MICAL1: variants seen among roughly 807,000 people sequenced by gnomAD.
MICAL1 encodes the protein microtubule associated monooxygenase, calponin and LIM domain containing 1.
In MICAL1, 95 loss-of-function variants were observed where a neutral mutation model predicts 131.8. The observed-to-expected ratio is 0.72, with a 90% CI of 0.61 to 0.86. MICAL1 has a LOEUF of 0.86. MICAL1 is among the 40% of genes least tolerant of loss of function. MICAL1 has a pLI of 0.00. For synonymous variants in MICAL1, 546 were observed against 554.2 expected, an observed-to-expected ratio of 0.99 and a Z score of 0.21; for missense variants, 1,292 against 1,380.6, an observed-to-expected ratio of 0.94 and a Z score of 1.02.
upstream of MICAL1, among the ~76,000 whole-genome samples, chr6:109,456,375 C>G (rs1192181770): frequency 1.3e-5 from 2 of 152,208 alleles, no homozygotes; most frequent in Non-Finnish European, 2.9e-5. Flanking sequence ...CAGGATGGAT[C>G]CAAGCGCAGA....
At chr6:109,462,028 AGATGCC>A (rs1775900286) in intron 1 of MICAL1, among the ~76,000 whole-genome samples, 1 of 130,998 alleles carries the variant, frequency 7.6e-6, no homozygotes, top group Non-Finnish European at 1.5e-5. Flanking sequence ...CTCCTCACTC[AGATGCC>A]AGTTGTTAGG....
At chr6:109,452,072 A>G (rs148089900) in intron 6 of MICAL1, 174 bp downstream of exon 6, 2 of 1,423,684 alleles carry the variant, frequency 1.4e-6, no homozygotes, top group Non-Finnish European at 1.8e-6. Context: ...GTGATCAACT[A>G]GGGCTGTGCT....
At position 109,450,553 on chromosome 6, in the gene MICAL1, C is replaced by A. The variant is rs1489860749; in HGVS notation, c.938G>T (p.Trp313Leu). Residue 313 changes from tryptophan (W) to leucine (L), a missense_variant, in exon 8 of 25, where the codon TGG becomes TTG. Trp to Leu is a moderately conservative substitution (Grantham distance 61). Transcript: ENST00000358807. ...LLRLGVLRQDWPDTNRLLGSA... is the reference protein window; with the variant it reads ...LLRLGVLRQDLPDTNRLLGSA... ...GCCCAGCAGCCGATTGGTGTCTGGC[C>A]AGTCCTGTATGGTCAACAGAGCAGA... is the stretch of plus-strand genomic sequence containing the variant. The A allele has an allele frequency of 6.2e-7, 1 of 1,606,922 alleles. No individual in the cohort carries two copies. Among genetic ancestry groups the A allele is most frequent in the Admixed American group, 1.7e-5 (1 of 59,854 alleles).
Position 109,451,714 on chromosome 6 carries a change from G to A in MICAL1, c.833-14C>T. 1 of 1,613,570 alleles carries A rather than the reference G, an allele frequency of 6.2e-7. No homozygotes were observed. Among genetic ancestry groups the A allele is most frequent in the Non-Finnish European group, 8.5e-7 (1 of 1,179,736 alleles). ...CCAGATCAATGCCTGGGGGTACAGG[G>A]CAGGGGACAGTAGATATGTCTCCTG... On this transcript the variant is annotated splice_polypyrimidine_tract_variant and intron_variant, in intron 6 of 24. Coordinates refer to ENST00000358807, the MANE Select transcript of MICAL1 (RefSeq NM_022765.4).
intron 12 of MICAL1, 60 bp from the exon 13 acceptor site, chr6:109,448,453 G>T: frequency 1.3e-6 from 2 of 1,581,848 alleles, no homozygotes; most frequent in Non-Finnish European, 1.7e-6. Flanking sequence ...ACTGAGGGGA[G>T]GAAGGGCAGC....
At chr6:109,449,213 G>C (rs1292648741) in intron 11 of MICAL1, 187 bp downstream of exon 11, 1 of 735,882 alleles carries the variant, frequency 1.4e-6, no homozygotes, top group South Asian at 1.5e-5. Flanking sequence ...CAGACTGGCA[G>C]CCAACTGCTG....
In MICAL1 at chr6:109,445,823, A is replaced by G. The variant is rs1219837301; in HGVS notation, c.2621T>C (p.Phe874Ser). Residue 874 changes from phenylalanine (F) to serine (S), a missense_variant, in exon 20 of 25, where the codon TTC becomes TCC. Physicochemically the swap from Phe to Ser is radical, Grantham distance 155 (BLOSUM62 -2). Coordinates refer to ENST00000358807, the MANE Select transcript of MICAL1 (RefSeq NM_022765.4). Reference sequence around the variant, plus strand: ...ATCTTCTTCTTCCTCTTCACTGGAGAAGGGACTCTCTTTTTCCTCCTTCTC... The same window carrying G: ...ATCTTCTTCTTCCTCTTCACTGGAGGAGGGACTCTCTTTTTCCTCCTTCTC... The part of the protein sequence containing the change: ...AMEKEEKESP[F>S]SSEEEEEDVP... The G allele has an allele frequency of 7.4e-6, 12 of 1,610,864 alleles. No homozygotes were observed. In the African/African-American group the frequency reaches 9.4e-5, roughly 13 times the overall value.
intron 7 of MICAL1, 129 bp from the exon 8 acceptor site, chr6:109,450,686 C>G: frequency 9.5e-7 from 1 of 1,050,812 alleles, no homozygotes; most frequent in Non-Finnish European, 1.3e-6. Context: ...CTAGACTACA[C>G]AGCAGTTGAA....
In MICAL1 at chr6:109,455,740, G is replaced by A. The variant is rs1775722486; in HGVS notation, c.-65C>T. 1.0e-6 allele frequency: 1 copy of A among 984,226 alleles called. No homozygotes were observed. The highest frequency in any genetic ancestry group is 1.2e-6 in the Non-Finnish European group (1 of 829,550). 61.0% of individuals were successfully genotyped at this position (984,226 alleles called of 1,614,324 possible). The stretch of plus-strand genomic sequence containing the variant: ...TTACCGGCGGCTCCGAAGCCGGGAG[G>A]GGCCGCTTCCTGTTGGGCTGGCAAC... On this transcript the variant is annotated 5_prime_UTR_variant, in exon 1 of 25. Coordinates refer to ENST00000358807, the MANE Select transcript of MICAL1 (RefSeq NM_022765.4). This position sits in a 1 kb window ranked among gnomAD's most constrained non-coding sequence, Gnocchi z 4.7.
intron 6 of MICAL1, 106 bp downstream of exon 6, chr6:109,452,140 G>A: frequency 6.7e-7 from 1 of 1,492,778 alleles, no homozygotes; most frequent in Non-Finnish European, 8.9e-7. Flanking sequence ...CAAAAAAACA[G>A]AAAAGTGTGG....
Position 109,446,924 on chromosome 6 carries a change from T to C in MICAL1, c.2227+149A>G. On this transcript the variant is annotated intron_variant, in intron 17 of 24. Transcript: ENST00000358807. ...TTCCTCAGAACCACACATCTGGAGC[T>C]TTGCAGGGGACAGAGAAGACCCTGA... 11 of 1,239,692 alleles carry C rather than the reference T, an allele frequency of 8.9e-6. 1 individual carries two copies. The South Asian group carries it at 1.5e-4, about 17-fold the overall frequency. The allele number at this position is 1,239,692 out of a possible 1,614,324, so 76.8% of individuals were successfully genotyped here. A position where few individuals can be genotyped will look rare whatever the true frequency, so the allele number is the denominator to read the frequency against.
intron 19 of MICAL1, 23 bp from the exon 20 acceptor site, chr6:109,445,885 T>C (rs1231316154): frequency 6.3e-7 from 1 of 1,587,052 alleles, no homozygotes; most frequent in South Asian, 1.1e-5. Context: ...ACTGAGACGT[T>C]CTACTGCCTC....
upstream of MICAL1, among the ~76,000 whole-genome samples, chr6:109,457,978 T>C (rs981673828): frequency 2.0e-5 from 3 of 152,184 alleles, no homozygotes; most frequent in African/African-American, 7.2e-5. Context: ...CAACCACACT[T>C]CGTCTGCCCA....
chr6:109,458,998 C>G (rs1407988985), upstream of MICAL1, among the ~76,000 whole-genome samples: 1 of 152,140 alleles, frequency 6.6e-6, no homozygotes, highest in African/African-American at 2.4e-5. Flanking sequence ...ACTCATGAAT[C>G]AGAGTGGGGG....
At position 109,454,159 on chromosome 6, in the gene MICAL1, T is replaced by C; in HGVS notation, c.38A>G (p.His13Arg). The part of the protein sequence containing the change: ...SPTSTNPAHA[H>R]FESFLQAQLC... ...CTGGGCCTGCAGGAAGCTCTCAAAG[T>C]GGGCATGCGCTGGGTTGGTGGAGGT... The change falls in exon 2 of 25, where the codon CAC becomes CGC. Residue 13 changes from histidine (H) to arginine (R), a missense_variant. Coordinates refer to ENST00000358807, the MANE Select transcript of MICAL1 (RefSeq NM_022765.4). 6.2e-7 allele frequency: 1 copy of C among 1,610,848 alleles called. No individual in the cohort carries two copies. The highest frequency in any genetic ancestry group is 8.5e-7 in the Non-Finnish European group (1 of 1,178,870).
At chr6:109,445,133 G>C in intron 22 of MICAL1, 64 bp downstream of exon 22, 3 of 1,594,736 alleles carry the variant, frequency 1.9e-6, no homozygotes, top group East Asian at 2.2e-5. Context: ...GGACTCCTAC[G>C]GGCTGGAGCG....
Position 109,451,612 on chromosome 6 carries a change from C to A in MICAL1, c.921G>T (p.Gly307=), listed in dbSNP as rs1203477762. 6.2e-7 allele frequency: 1 copy of A among 1,613,966 alleles called. No homozygotes were observed. Among genetic ancestry groups the A allele is most frequent in the Non-Finnish European group, 8.5e-7 (1 of 1,179,972 alleles). ...GACTGGGCCTCACCTGGCGCAGCACCCCCAGCCGCAGCAGGCACTGCTTCT... is the reference window on the plus strand; with the variant it reads ...GACTGGGCCTCACCTGGCGCAGCACACCCAGCCGCAGCAGGCACTGCTTCT... ...TAKKQCLLRL[G]VLRQDWPDTN... is the part of the protein sequence containing the mutation. The change falls in exon 7 of 25, where the codon GGG becomes GGT. Residue 307 remains glycine, a synonymous_variant. Transcript: ENST00000358807.
chr6:109,449,363 A>G lies in MICAL1; in HGVS notation c.1516+37T>C, dbSNP rs201760514. 418 of 1,608,732 alleles carry G rather than the reference A, an allele frequency of 2.6e-4. 1 individual carries two copies. Among genetic ancestry groups the G allele is most frequent in the Middle Eastern group, 8.3e-4 (5 of 6,060 alleles). On this transcript the variant is annotated intron_variant, in intron 11 of 24. Coordinates refer to ENST00000358807, the MANE Select transcript of MICAL1 (RefSeq NM_022765.4). ...CCACCTGGGCCTCGCTGGGTAGTACATATTTTGGTCACCCCTTGGGAGGAA... is the reference window on the plus strand; with the variant it reads ...CCACCTGGGCCTCGCTGGGTAGTACGTATTTTGGTCACCCCTTGGGAGGAA...
At chr6:109,449,937 C>T in intron 9 of MICAL1, 33 bp downstream of exon 9, 2 of 1,609,432 alleles carry the variant, frequency 1.2e-6, no homozygotes, top group Non-Finnish European at 1.7e-6. Context: ...ACATGTCCTG[C>T]CCTGCCCACA....
Sources: allele counts gnomAD v4.1 joint callset (sites outside exome capture counted in the v4.1 genomes callset), GRCh38; gene constraint gnomAD v4.1.1; non-coding constraint Gnocchi (gnomAD v3.1); transcripts MANE v1.5; gene names NCBI Gene and HGNC (gene_info 2026-07-23, HGNC 2026-07-21).